Variants in PIK3C3 observed in about 807,000 individuals in gnomAD.
PIK3C3 encodes the protein phosphatidylinositol 3-kinase catalytic subunit type 3, also known as PI3-kinase type 3.
Under a neutral mutation model 126.1 loss-of-function variants are expected in PIK3C3, and 95 were observed. The observed-to-expected ratio is 0.75, with a 90% CI of 0.64 to 0.89. The LOEUF is 0.89. PIK3C3 is among the 40% of genes least tolerant of loss of function. The pLI is 0.00. For synonymous variants in PIK3C3, 374 were observed against 360.0 expected, an observed-to-expected ratio of 1.04 and a Z score of -0.44; for missense variants, 829 against 1,063.2, an observed-to-expected ratio of 0.78 and a Z score of 3.06.
chr18:41,956,228 C>T (rs1262306018), intron 1 of PIK3C3, among the ~76,000 whole-genome samples: 1 of 152,160 alleles, frequency 6.6e-6, no homozygotes, highest in African/African-American at 2.4e-5. Flanking sequence ...GATAAATTTT[C>T]TCAGTTGTCT....
chr18:41,974,990 G>A (rs1172883790), intron 4 of PIK3C3, among the ~76,000 whole-genome samples: 1 of 152,116 alleles, frequency 6.6e-6, no homozygotes, highest in Non-Finnish European at 1.5e-5. Context: ...ATTAAGAGGA[G>A]GCAAAGAGAA....
intron 5 of PIK3C3, among the ~76,000 whole-genome samples, chr18:41,988,217 A>G (rs1981594744): frequency 6.6e-6 from 1 of 152,144 alleles, no homozygotes; most frequent in Non-Finnish European, 1.5e-5. Flanking sequence ...GCGTTGGATA[A>G]ATCTTCCATC....
chr18:41,960,120 A>G (rs571175615), intron 2 of PIK3C3, among the ~76,000 whole-genome samples: 1 of 152,172 alleles, frequency 6.6e-6, no homozygotes, highest in Non-Finnish European at 1.5e-5. Flanking sequence ...TGACTTTCTG[A>G]TAGTGAGTTG....
chr18:42,032,359 T>A (rs1457403019), intron 15 of PIK3C3, among the ~76,000 whole-genome samples: 1 of 152,230 alleles, frequency 6.6e-6, no homozygotes, highest in Non-Finnish European at 1.5e-5. Context: ...TTATTTTGAC[T>A]GAAACACTGA....
intron 6 of PIK3C3, among the ~76,000 whole-genome samples, chr18:41,992,993 A>G (rs1425950254): frequency 6.6e-6 from 1 of 152,168 alleles, no homozygotes; most frequent in Admixed American, 6.6e-5. Context: ...TTTAAAAAAA[A>G]GGAACAACTC....
At position 42,033,967 on chromosome 18, in the gene PIK3C3, A is replaced by G. The variant is rs766523649; in HGVS notation, c.1839+10A>G. The G allele has an allele frequency of 6.4e-7, 1 of 1,574,228 alleles. No homozygotes were observed. The highest frequency in any genetic ancestry group is 1.2e-5 in the South Asian group (1 of 84,832). On this transcript the variant is annotated intron_variant, in intron 16 of 24. Transcript: ENST00000262039. ...AGCTACACTGTTTAAAGTAATTGTG[A>G]TGGATATTTAATGTGTATGATTGGA...
At chr18:42,008,045 C>G (rs1982634060) in intron 10 of PIK3C3, among the ~76,000 whole-genome samples, 1 of 152,080 alleles carries the variant, frequency 6.6e-6, no homozygotes, top group South Asian at 2.1e-4. Context: ...GACACTCGTT[C>G]ATATCATATA....
At chr18:42,074,590 T>C (rs1985903145) in intron 24 of PIK3C3, among the ~76,000 whole-genome samples, 1 of 152,156 alleles carries the variant, frequency 6.6e-6, no homozygotes, top group African/African-American at 2.4e-5. Flanking sequence ...TACATAAGTA[T>C]GTAGCTGCAA....
intron 24 of PIK3C3, among the ~76,000 whole-genome samples, chr18:42,070,992 T>C (rs1985749846): frequency 6.6e-6 from 1 of 152,220 alleles, no homozygotes. Context: ...GTTCCTGTTT[T>C]CTAGTTCTTC....
intron 23 of PIK3C3, 40 bp downstream of exon 23, chr18:42,064,870 A>G: frequency 9.2e-7 from 1 of 1,089,252 alleles, no homozygotes; most frequent in Non-Finnish European, 1.4e-6. Context: ...TCTTCTGTAT[A>G]ATTTTTCCAT....
At chr18:41,974,841 T>G (rs946573809) in intron 4 of PIK3C3, among the ~76,000 whole-genome samples, 1 of 152,180 alleles carries the variant, frequency 6.6e-6, no homozygotes, top group African/African-American at 2.4e-5. Context: ...ACTACCAAGC[T>G]TTAGTGTTTG....
intron 9 of PIK3C3, among the ~76,000 whole-genome samples, chr18:42,000,780 A>G (rs947420361): frequency 1.2e-4 from 18 of 152,166 alleles, no homozygotes; most frequent in Non-Finnish European, 4.4e-5. Flanking sequence ...TCCCCCTTAT[A>G]TAGCCATCAG....
rs994726788 is a variant in PIK3C3, at chr18:41,993,266, C to T, written c.715-4C>T. The T allele has an allele frequency of 6.3e-7, 1 of 1,593,900 alleles. No individual in the cohort carries two copies. The highest frequency in any genetic ancestry group is 1.7e-5 in the Admixed American group (1 of 59,582). The stretch of plus-strand genomic sequence containing the variant: ...TTTTAAAAAATTATTGCTCTGTAAT[C>T]TAGGACGGTGATGAATCATCTCCAA... On this transcript the variant is annotated splice_polypyrimidine_tract_variant and splice_region_variant and intron_variant, in intron 6 of 24. Transcript: ENST00000262039.
intron 18 of PIK3C3, among the ~76,000 whole-genome samples, chr18:42,040,137 A>G (rs893565850): frequency 6.0e-5 from 8 of 132,454 alleles, no homozygotes; most frequent in African/African-American, 2.4e-4. Flanking sequence ...CTTCTTCCAC[A>G]TACTGTCTGT....
At chr18:42,051,989 A>T (rs796885926) in intron 21 of PIK3C3, among the ~76,000 whole-genome samples, 1 of 151,586 alleles carries the variant, frequency 6.6e-6, no homozygotes, top group African/African-American at 2.4e-5. Flanking sequence ...ATAATAAAAT[A>T]AAAAATAAAA....
chr18:41,992,045 A>G (rs977268168), intron 6 of PIK3C3, among the ~76,000 whole-genome samples: 1 of 152,226 alleles, frequency 6.6e-6, no homozygotes, highest in African/African-American at 2.4e-5. Context: ...ATCCTTTGAA[A>G]GACAGCTTGA....
intron 12 of PIK3C3, among the ~76,000 whole-genome samples, chr18:42,017,748 T>A (rs988551429): frequency 1.3e-5 from 2 of 152,066 alleles, no homozygotes; most frequent in Non-Finnish European, 2.9e-5. Flanking sequence ...ATGTTCATGT[T>A]TATCTTCTCA....
intron 4 of PIK3C3, among the ~76,000 whole-genome samples, chr18:41,980,787 TC>T (rs1271878676): frequency 6.6e-6 from 1 of 152,150 alleles, no homozygotes; most frequent in African/African-American, 2.4e-5. Context: ...AAAGAAAACT[TC>T]CGTCTTTTAA....
rs1017510990 is a variant in PIK3C3, at chr18:42,038,728, G to C, written c.1969-53G>C. The C allele has an allele frequency of 3.6e-5, 41 of 1,128,554 alleles. No individual in the cohort carries two copies. The Admixed American group carries it at 4.1e-4, about 11-fold the overall frequency. The allele number at this position is 1,128,554 out of a possible 1,614,324, so 69.9% of individuals were successfully genotyped here. A position where few individuals can be genotyped will look rare whatever the true frequency, so the allele number is the denominator to read the frequency against. Reference sequence around the variant, plus strand: ...TGCTATACTATTTGCCCACAAAACTGTCTTTTAACAGTCTTTACATTTGGT... The same window carrying C: ...TGCTATACTATTTGCCCACAAAACTCTCTTTTAACAGTCTTTACATTTGGT... On this transcript the variant is annotated intron_variant, in intron 17 of 24. Coordinates refer to ENST00000262039, the MANE Select transcript of PIK3C3 (RefSeq NM_002647.4).
Sources: gnomAD v4.1 joint callset for allele counts (sites outside exome capture counted in the v4.1 genomes callset) on GRCh38, gnomAD v4.1.1 for gene constraint, MANE v1.5 for transcripts, NCBI Gene and HGNC (gene_info 2026-07-23, HGNC 2026-07-21) for gene names.